NRG2: variants seen among roughly 807,000 people sequenced by gnomAD.
The protein encoded by NRG2 is pro-neuregulin-2, membrane-bound isoform.
In NRG2, 27 loss-of-function variants were observed where a neutral mutation model predicts 73.9. That is an observed-to-expected ratio of 0.37 (90% CI 0.27 to 0.50). NRG2 has a LOEUF of 0.50. Among genes scored for constraint, NRG2 ranks in the 20% least tolerant of loss-of-function variants. NRG2 has a pLI of 0.96. For missense variants in NRG2, 1,126 were observed against 1,210.1 expected (o/e 0.93, Z 1.03); for synonymous variants, 532 against 541.0 (o/e 0.98, Z 0.23).
intron 1 of NRG2, among the ~76,000 whole-genome samples, chr5:139,943,760 T>C (rs1753585520): frequency 6.6e-6 from 1 of 152,194 alleles, no homozygotes; most frequent in Admixed American, 6.5e-5. Context: ...TAAAATGAAA[T>C]ACCACAGTAT....
At position 139,848,212 on chromosome 5, in the gene NRG2, G is replaced by C. The variant is rs1335079719; in HGVS notation, c.2258C>G (p.Ala753Gly). The C allele has an allele frequency of 4.0e-6, 5 of 1,245,500 alleles. No individual in the cohort carries two copies. Among genetic ancestry groups the C allele is most frequent in the Non-Finnish European group, 5.0e-6 (5 of 997,250 alleles). The allele number at this position is 1,245,500 out of a possible 1,614,324, so 77.2% of individuals were successfully genotyped here. A position where few individuals can be genotyped will look rare whatever the true frequency, so the allele number is the denominator to read the frequency against. ...WRRSRLNGLA[A>G]QRARAARDSL... The stretch of plus-strand genomic sequence containing the variant: ...GTCCCTCGCCGCCCGTGCGCGCTGC[G>C]CCGCCAGCCCGTTGAGGCGCGAGCG... Residue 753 changes from alanine to glycine, a missense_variant, in exon 10 of 10, where the codon GCG becomes GGG. Ala to Gly is a moderately conservative substitution (Grantham distance 60, BLOSUM62 0). Around this residue, in one of 3 missense-constraint regions of NRG2, gnomAD observed 402 missense variants for 357.8 expected, o/e 1.12. Transcript: ENST00000361474.
chr5:139,913,685 C>A (rs1308922056), intron 1 of NRG2, among the ~76,000 whole-genome samples: 3 of 152,224 alleles, frequency 2.0e-5, no homozygotes, highest in Admixed American at 2.0e-4. Context: ...AGGCACAGTG[C>A]TGGCCATTGC....
At chr5:140,038,501 C>T (rs980008328) in intron 1 of NRG2, among the ~76,000 whole-genome samples, 1 of 152,188 alleles carries the variant, frequency 6.6e-6, no homozygotes, top group Admixed American at 6.5e-5. Flanking sequence ...AAGAAAGGTT[C>T]CCATAGCGAC....
intron 1 of NRG2, among the ~76,000 whole-genome samples, chr5:139,911,747 C>A (rs1043358652): frequency 3.3e-5 from 5 of 152,186 alleles, no homozygotes; most frequent in African/African-American, 7.2e-5. Flanking sequence ...GAGGTGGGAG[C>A]CTGTCTACCT....
chr5:140,009,565 AG>A (rs1043892459), intron 1 of NRG2, among the ~76,000 whole-genome samples: 8 of 152,226 alleles, frequency 5.3e-5, no homozygotes, highest in Non-Finnish European at 1.2e-4. Context: ...TAATTTTGTA[AG>A]AAACTGCCAA....
rs1761421549 is a variant in NRG2, at chr5:139,851,586, C to A, written c.1772+18G>T. Reference sequence around the variant, plus strand: ...CCCTCTGGCTAAGCGGGGAATAGGTCAGGGGGTAGGAACTGACCTCTCGCT... The same window carrying A: ...CCCTCTGGCTAAGCGGGGAATAGGTAAGGGGGTAGGAACTGACCTCTCGCT... On this transcript the variant is annotated intron_variant, in intron 9 of 9. Coordinates refer to ENST00000361474, the MANE Select transcript of NRG2 (RefSeq NM_004883.3). This position sits in a 1 kb window ranked among gnomAD's most constrained non-coding sequence, Gnocchi z 4.2. The A allele has an allele frequency of 6.2e-7, 1 of 1,611,988 alleles. No individual in the cohort carries two copies. Among genetic ancestry groups the A allele is most frequent in the African/African-American group, 1.3e-5 (1 of 75,022 alleles).
chr5:139,933,938 C>T (rs1017821768), intron 1 of NRG2, among the ~76,000 whole-genome samples: 2 of 152,194 alleles, frequency 1.3e-5, no homozygotes, highest in Non-Finnish European at 2.9e-5. Flanking sequence ...GTGGCTCACG[C>T]CTGTAATCCC....
rs547384017 is a variant in NRG2 at position 139,894,936 on chromosome 5, G to C, written c.701-7425C>G. On this transcript the variant is annotated intron_variant, in intron 1 of 9. Coordinates refer to ENST00000361474, the MANE Select transcript of NRG2 (RefSeq NM_004883.3). This position sits in a 1 kb window ranked among gnomAD's most constrained non-coding sequence, Gnocchi z 5.0. ...GGCATCTCAGCTGCAAGGTAGAGAA[G>C]AGGGGCCAGGCCAGCTGGGATGAGA... Among the ~76,000 whole-genome samples, 6 of 152,328 alleles carry C rather than the reference G, an allele frequency of 3.9e-5. No homozygotes were observed. The highest frequency in any genetic ancestry group is 3.3e-4 in the Admixed American group (5 of 15,306).
At chr5:139,937,717 T>C (rs1015397742) in intron 1 of NRG2, among the ~76,000 whole-genome samples, 3 of 152,104 alleles carry the variant, frequency 2.0e-5, no homozygotes, top group Non-Finnish European at 2.9e-5. Context: ...ATGACATAAC[T>C]GAAATGTAAA....
At chr5:139,964,164 G>A (rs1161457711) in intron 1 of NRG2, among the ~76,000 whole-genome samples, 1 of 152,160 alleles carries the variant, frequency 6.6e-6, no homozygotes, top group Non-Finnish European at 1.5e-5. Context: ...AGCCAAGGCT[G>A]GGGTGAGAGA....
At chr5:139,866,339 T>C (rs1762470279) in intron 4 of NRG2, among the ~76,000 whole-genome samples, 3 of 152,222 alleles carry the variant, frequency 2.0e-5, no homozygotes. Flanking sequence ...AGTTCTCAAA[T>C]TTATTTGTGT....
chr5:140,013,409 GT>G (rs1443912863), intron 1 of NRG2, among the ~76,000 whole-genome samples: 1 of 152,146 alleles, frequency 6.6e-6, no homozygotes, highest in African/African-American at 2.4e-5. Flanking sequence ...TAATAACAGA[GT>G]TTCAGTTCAG....
intron 1 of NRG2, among the ~76,000 whole-genome samples, chr5:139,922,659 T>C (rs1395117340): frequency 1.3e-5 from 2 of 152,232 alleles, no homozygotes; most frequent in African/African-American, 4.8e-5. Context: ...AGGATGTTTA[T>C]AGCAGCTTCA....
Position 140,043,203 on chromosome 5 carries a change from C to T in NRG2, c.-134G>A. 2 of 1,039,260 alleles carry T rather than the reference C, an allele frequency of 1.9e-6. No homozygotes were observed. The highest frequency in any genetic ancestry group is 1.7e-5 in the South Asian group (1 of 58,148). 64.4% of individuals were successfully genotyped at this position (1,039,260 alleles called of 1,614,324 possible). ...CTCCACCGGCAGCCCGGGGAGGTGG[C>T]CCAGCTAGGGCAGGGGGCAGGCGGC... On this transcript the variant is annotated 5_prime_UTR_variant, in exon 1 of 10. Coordinates refer to ENST00000361474, the MANE Select transcript of NRG2 (RefSeq NM_004883.3). This position sits in a 1 kb window ranked among gnomAD's most constrained non-coding sequence, Gnocchi z 6.7.
chr5:139,863,877 A>G (rs1762306658), intron 5 of NRG2, among the ~76,000 whole-genome samples: 2 of 152,210 alleles, frequency 1.3e-5, no homozygotes, highest in South Asian at 2.1e-4. Context: ...AGGGGTCTCT[A>G]TGCCCCTGTG....
In NRG2 at chr5:139,904,383, C is replaced by G; in HGVS notation, c.701-16872G>C. ...TCTTGCCGCGGCCGCGGCCCCTCCT[C>G]CTGGACTCCGACATTCTGCACGGGG... is the stretch of plus-strand genomic sequence containing the variant. On this transcript the variant is annotated intron_variant, in intron 1 of 9. Transcript: ENST00000361474. The surrounding 1 kb of genome is among the most constrained non-coding windows in gnomAD (Gnocchi z 6.0). The G allele has an allele frequency of 1.3e-6, 2 of 1,575,634 alleles. No homozygotes were observed. Among genetic ancestry groups the G allele is most frequent in the East Asian group, 2.3e-5 (1 of 43,342 alleles).
At chr5:140,011,727 T>C (rs1169773032) in intron 1 of NRG2, among the ~76,000 whole-genome samples, 1 of 152,208 alleles carries the variant, frequency 6.6e-6, no homozygotes, top group Non-Finnish European at 1.5e-5. Context: ...GACACCTTAT[T>C]TGTAGCCTTG....
chr5:139,924,593 C>T (rs1751914143), intron 1 of NRG2, among the ~76,000 whole-genome samples: 1 of 152,212 alleles, frequency 6.6e-6, no homozygotes, highest in South Asian at 2.1e-4. Flanking sequence ...TTCATTTCAT[C>T]CTTAATATCC....
chr5:139,991,217 A>C (rs1757604396), intron 1 of NRG2, among the ~76,000 whole-genome samples: 1 of 152,116 alleles, frequency 6.6e-6, no homozygotes, highest in Non-Finnish European at 1.5e-5. Context: ...CAGAGGTTTC[A>C]GTGAGCCAAG....
Sources: allele counts gnomAD v4.1 joint callset (sites outside exome capture counted in the v4.1 genomes callset), GRCh38; gene constraint gnomAD v4.1.1; regional missense constraint gnomAD v4.1.1; non-coding constraint Gnocchi (gnomAD v3.1); transcripts MANE v1.5; gene names NCBI Gene and HGNC (gene_info 2026-07-23, HGNC 2026-07-21).